Variants in CDH12 observed in about 807,000 individuals in gnomAD.
CDH12 encodes the protein cadherin 12, also known as cadherin-12.
Under a neutral mutation model 74.1 loss-of-function variants are expected in CDH12, and 41 were observed. The ratio of observed to expected loss-of-function variants is 0.55; its 90% CI spans 0.43 to 0.72. The LOEUF (loss-of-function observed/expected upper bound fraction) is 0.72, where lower values mean the gene tolerates loss of function less well. CDH12 is among the 30% of genes least tolerant of loss of function. The pLI is 0.00. For synonymous variants in CDH12, 399 were observed against 355.0 expected (o/e 1.12, Z -1.39); for missense variants, 945 against 977.2 (o/e 0.97, Z 0.44).
intron 6 of CDH12, among the ~76,000 whole-genome samples, chr5:21,861,605 A>T (rs1223569828): frequency 1.3e-5 from 2 of 152,056 alleles, no homozygotes; most frequent in East Asian, 3.9e-4. Context: ...TCCATCTCAC[A>T]ATTTTTAACC....
chr5:22,023,530 A>G (rs558467799), intron 5 of CDH12, among the ~76,000 whole-genome samples: 4 of 152,024 alleles, frequency 2.6e-5, no homozygotes, highest in African/African-American at 9.6e-5. Flanking sequence ...GTATATATAT[A>G]TAATTCTCTG....
At chr5:22,132,612 T>C (rs1255707508) in intron 4 of CDH12, among the ~76,000 whole-genome samples, 1 of 151,914 alleles carries the variant, frequency 6.6e-6, no homozygotes, top group African/African-American at 2.4e-5. Context: ...CAACTAATAG[T>C]CAATTTCCAG....
chr5:22,552,576 C>T (rs540300733), intron 1 of CDH12, among the ~76,000 whole-genome samples: 2 of 151,884 alleles, frequency 1.3e-5, no homozygotes, highest in Non-Finnish European at 2.9e-5. Context: ...CTACAGGCAC[C>T]AGCCACCACA....
Position 22,807,126 on chromosome 5 carries a change from A to T in CDH12, c.-523+45932T>A, listed in dbSNP as rs538171551. 2.0e-5 allele frequency among the ~76,000 whole-genome samples: 3 copies of T among 152,264 alleles called. No homozygotes were observed. The South Asian group carries it at 6.2e-4, about 32-fold the overall frequency. ...TTTAGGCTTTTTCAAGATATGTAAG[A>T]TGCTAAAGTAGATTTTGACTGAAAA... On this transcript the variant is annotated intron_variant, in intron 1 of 14. Transcript: ENST00000382254.
At chr5:22,231,735 CAAGAATTCCA>C (rs1580429164) in intron 3 of CDH12, among the ~76,000 whole-genome samples, 1 of 151,904 alleles carries the variant, frequency 6.6e-6, no homozygotes, top group Non-Finnish European at 1.5e-5. Flanking sequence ...ACAAAAACTG[CAAGAATTCCA>C]AAGCTTTACC....
chr5:22,410,817 GC>G (rs1366835108), intron 2 of CDH12, among the ~76,000 whole-genome samples: 1 of 151,990 alleles, frequency 6.6e-6, no homozygotes, highest in Non-Finnish European at 1.5e-5. Flanking sequence ...TAAATTTTAT[GC>G]AAACAAACTC....
At chr5:22,436,713 T>C (rs1002631488) in intron 2 of CDH12, among the ~76,000 whole-genome samples, 1 of 151,952 alleles carries the variant, frequency 6.6e-6, no homozygotes, top group Non-Finnish European at 1.5e-5. Context: ...AAAAACAATA[T>C]AGAAAAAAAA....
At chr5:22,766,310 T>A (rs1746511639) in intron 1 of CDH12, among the ~76,000 whole-genome samples, 1 of 152,082 alleles carries the variant, frequency 6.6e-6, no homozygotes. Flanking sequence ...GCATAAGAAC[T>A]TTTCTCATAG....
intron 3 of CDH12, among the ~76,000 whole-genome samples, chr5:22,256,999 A>T (rs1753341960): frequency 6.6e-6 from 1 of 152,204 alleles, no homozygotes; most frequent in Non-Finnish European, 1.5e-5. Flanking sequence ...CCATAAAAAA[A>T]GAATGAGATA....
At chr5:21,826,106 C>A (rs1403266511) in intron 8 of CDH12, among the ~76,000 whole-genome samples, 4 of 152,112 alleles carry the variant, frequency 2.6e-5, no homozygotes, top group African/African-American at 9.7e-5. Flanking sequence ...TCCTAGGTAA[C>A]TTCATCTCTC....
intron 4 of CDH12, among the ~76,000 whole-genome samples, chr5:22,144,530 A>G (rs1747031759): frequency 6.6e-6 from 1 of 152,102 alleles, no homozygotes; most frequent in Non-Finnish European, 1.5e-5. Flanking sequence ...TCAAAATTTT[A>G]ATTAAGATTT....
At chr5:22,773,334 C>A (rs1023735977) in intron 1 of CDH12, among the ~76,000 whole-genome samples, 4 of 151,836 alleles carry the variant, frequency 2.6e-5, no homozygotes, top group African/African-American at 7.3e-5. Context: ...GAATAGACTG[C>A]CCAAAAATAA....
At chr5:21,911,160 T>C (rs1380638220) in intron 6 of CDH12, among the ~76,000 whole-genome samples, 1 of 152,162 alleles carries the variant, frequency 6.6e-6, no homozygotes, top group Non-Finnish European at 1.5e-5. Context: ...TTTCTCTTCA[T>C]TGATGGCCAT....
chr5:22,429,545 C>A (rs1314071521), intron 2 of CDH12, among the ~76,000 whole-genome samples: 2 of 152,044 alleles, frequency 1.3e-5, no homozygotes, highest in Non-Finnish European at 2.9e-5. Flanking sequence ...TTCTATGACC[C>A]TTCTTGTTTC....
At chr5:22,267,456 C>G (rs899071674) in intron 3 of CDH12, among the ~76,000 whole-genome samples, 1 of 152,092 alleles carries the variant, frequency 6.6e-6, no homozygotes, top group Non-Finnish European at 1.5e-5. Context: ...ATATAGACAA[C>G]CTTATTTCAT....
intron 10 of CDH12, among the ~76,000 whole-genome samples, chr5:21,794,734 T>G (rs1746687775): frequency 6.6e-6 from 1 of 151,792 alleles, no homozygotes; most frequent in Non-Finnish European, 1.5e-5. Flanking sequence ...GTCCTAGCTA[T>G]TGTTAAAAGC....
intron 1 of CDH12, among the ~76,000 whole-genome samples, chr5:22,837,596 T>A (rs1736888362): frequency 6.6e-6 from 1 of 152,170 alleles, no homozygotes; most frequent in South Asian, 2.1e-4. Context: ...TATGTTATTA[T>A]GAAGAGAGTA....
intron 1 of CDH12, among the ~76,000 whole-genome samples, chr5:22,802,680 C>T (rs11950824): frequency 8.6e-4 from 131 of 152,098 alleles, no homozygotes; most frequent in Middle Eastern, 6.8e-3. Context: ...CCAGGAATAC[C>T]ATCAGTTCTG....
chr5:22,156,655 G>T (rs1748039366), intron 4 of CDH12, among the ~76,000 whole-genome samples: 1 of 152,064 alleles, frequency 6.6e-6, no homozygotes, highest in Admixed American at 6.6e-5. Flanking sequence ...TTTTGCTAAT[G>T]TTCCCAAATT....
Sources: gnomAD v4.1 joint callset for allele counts (sites outside exome capture counted in the v4.1 genomes callset) on GRCh38, gnomAD v4.1.1 for gene constraint, MANE v1.5 for transcripts, NCBI Gene and HGNC (gene_info 2026-07-23, HGNC 2026-07-21) for gene names.